ELK1: variants seen among roughly 807,000 people sequenced by gnomAD.
The protein encoded by ELK1 is ETS transcription factor ELK1, also known as ETS domain-containing protein Elk-1.
For synonymous variants in ELK1, 163 were observed against 176.3 expected (o/e 0.92, Z 0.60); for missense variants, 254 against 381.5 (o/e 0.67, Z 2.78).
At position 47,637,785 on chromosome X, in the gene ELK1, G is replaced by GCCGGCC; in HGVS notation, c.1046_1051dup (p.Gly349_Pro350dup). ...CGTAGGAAGCAGGGATGGGGTCAGC[G>GCCGGCC]CCGGCCCCGGAGCCTGGAGGCCGGA... On this transcript the variant is annotated inframe_insertion, in exon 5 of 7. Coordinates refer to ENST00000376983, the MANE Select transcript of ELK1 (RefSeq NM_001114123.3). 1 of 1,195,382 alleles carries GCCGGCC rather than the reference G, an allele frequency of 8.4e-7. No individual in the cohort carries two copies. The highest frequency in any genetic ancestry group is 1.1e-6 in the Non-Finnish European group (1 of 886,667).
At chrX:47,644,710 A>AGGTGACATGGGGAGAGGAG (rs1397398498) in intron 2 of ELK1, among the ~76,000 whole-genome samples, 1 of 110,652 alleles carries the variant, frequency 9.0e-6, no homozygotes, top group Non-Finnish European at 1.9e-5. Context: ...AGTGCCTGGC[A>AGGTGACATGGGGAGAGGAG]GGTGACATGG....
rs2058015284 is a variant in ELK1, at chrX:47,637,976, G to A, written c.861C>T (p.Pro287=). 8.3e-7 allele frequency: 1 copy of A among 1,209,182 alleles called. No homozygotes were observed. Among genetic ancestry groups the A allele is most frequent in the South Asian group, 1.8e-5 (1 of 56,804 alleles). Residue 287 remains proline, a synonymous_variant, in exon 5 of 7, where the codon CCC becomes CCT. Transcript: ENST00000376983. ...GCCCTGCGGTGTCCATAACAACCGC[G>A]GGCAGCCGGGCTGGCACGCCCTCCT... ...PPQEGVPARL[P]AVVMDTAGQA...
chrX:47,639,183 GGCGGCATGTATA>G lies in ELK1; in HGVS notation c.354_365del (p.Ile119_Ala122del). 1 of 1,209,538 alleles carries G rather than the reference GGCGGCATGTATA, an allele frequency of 8.3e-7. No homozygotes were observed. The highest frequency in any genetic ancestry group is 1.1e-6 in the Non-Finnish European group (1 of 894,310). On this transcript the variant is annotated inframe_deletion, in exon 4 of 7. Coordinates refer to ENST00000376983, the MANE Select transcript of ELK1 (RefSeq NM_001114123.3). ...GCTTTCCAGAGACAGTGTCCCCTGG[GGCGGCATGTATA>G]GCAGCAGGGGCCACATTTGGCATGG...
At chrX:47,644,380 G>A (rs1187748853) in intron 2 of ELK1, among the ~76,000 whole-genome samples, 1 of 111,578 alleles carries the variant, frequency 9.0e-6, no homozygotes, top group Admixed American at 9.6e-5. Context: ...TGCATACTGT[G>A]GGCCAGGTGC....
Position 47,636,935 on chromosome X carries a change from C to A in ELK1, c.1189-8G>T. ...GCTGCCACTGGATGGAAACTGGGGGCAAAAAGAGGGAGAGGTCACAGATGG... is the reference window on the plus strand; with the variant it reads ...GCTGCCACTGGATGGAAACTGGGGGAAAAAAGAGGGAGAGGTCACAGATGG... On this transcript the variant is annotated splice_region_variant and splice_polypyrimidine_tract_variant and intron_variant, in intron 6 of 6. Transcript: ENST00000376983. 1 of 1,182,691 alleles carries A rather than the reference C, an allele frequency of 8.5e-7. No individual in the cohort carries two copies. Among genetic ancestry groups the A allele is most frequent in the Non-Finnish European group, 1.1e-6 (1 of 880,571 alleles).
chrX:47,641,557 A>ATCT, intron 2 of ELK1, 82 bp from the exon 3 acceptor site: 1 of 720,665 alleles, frequency 1.4e-6, no homozygotes, highest in Non-Finnish European at 2.1e-6. Flanking sequence ...TTTTTTTGTC[A>ATCT]TCTTTTCTCC....
Position 47,650,468 on chromosome X carries a change from G to A in ELK1, c.-186C>T. On this transcript the variant is annotated 5_prime_UTR_variant, in exon 1 of 7. Coordinates refer to ENST00000376983, the MANE Select transcript of ELK1 (RefSeq NM_001114123.3). ...GCGTTGGCAATGTTGGCAGCTCCGG[G>A]GGGCGGGGGCTCCATACGCGGCCCC... 1 of 355,701 alleles carries A rather than the reference G, an allele frequency of 2.8e-6. No homozygotes were observed. The highest frequency in any genetic ancestry group is 2.6e-5 in the African/African-American group (1 of 38,279). 29.3% of individuals were successfully genotyped at this position (355,701 alleles called of 1,213,427 possible).
chrX:47,650,542 C>CGGTGGCGGTGGTGGTGGT lies in ELK1; in HGVS notation c.-261_-260insACCACCACCACCGCCACC, dbSNP rs769340100. 1.6e-5 allele frequency: 5 copies of CGGTGGCGGTGGTGGTGGT among 318,787 alleles called. No individual in the cohort carries two copies. The Admixed American group carries it at 1.8e-4, about 11-fold the overall frequency. The allele number at this position is 318,787 out of a possible 1,213,427, so 26.3% of individuals were successfully genotyped here. A position where few individuals can be genotyped will look rare whatever the true frequency, so the allele number is the denominator to read the frequency against. ...GAGGCGGCGGTGGAGGTGGTGGTGG[C>CGGTGGCGGTGGTGGTGGT]GGTGGCGGCGGCAGCACCTAGAAGC... On this transcript the variant is annotated 5_prime_UTR_variant, in exon 1 of 7. Coordinates refer to ENST00000376983, the MANE Select transcript of ELK1 (RefSeq NM_001114123.3).
chrX:47,643,049 C>T (rs2058033416), intron 2 of ELK1, among the ~76,000 whole-genome samples: 1 of 112,378 alleles, frequency 8.9e-6, no homozygotes, highest in Non-Finnish European at 1.9e-5. Context: ...GTGTTTGAAT[C>T]CTGGTTCTGC....
At chrX:47,637,647 G>C in intron 5 of ELK1, 104 bp downstream of exon 5, 2 of 997,796 alleles carry the variant, frequency 2.0e-6, no homozygotes, top group Non-Finnish European at 2.7e-6. Flanking sequence ...ACCCTCTTCA[G>C]GAACAACCAC....
chrX:47,645,186 T>C (rs1346049253), intron 2 of ELK1, among the ~76,000 whole-genome samples: 2 of 110,951 alleles, frequency 1.8e-5, no homozygotes, highest in Non-Finnish European at 3.8e-5. Context: ...GTTTTGGAGA[T>C]GGTCAGTTTC....
chrX:47,645,208 A>C (rs1029512845), intron 2 of ELK1, among the ~76,000 whole-genome samples: 6 of 111,465 alleles, frequency 5.4e-5, no homozygotes, highest in African/African-American at 2.0e-4. Flanking sequence ...GAGGCCTGTC[A>C]GACATCTACG....
chrX:47,647,517 G>A (rs190147880), intron 2 of ELK1, among the ~76,000 whole-genome samples: 4 of 111,362 alleles, frequency 3.6e-5, no homozygotes, highest in Non-Finnish European at 5.7e-5. Context: ...GCCCTGTTTC[G>A]TTCCTTGCCA....
rs771050532 is a variant in ELK1, at chrX:47,639,318, G to A, written c.231C>T (p.Ser77=). ...CAAACTTGTAGACGAACTTCTGGCC[G>A]CTCACCTTGCGGATGATGTTCTAGG... ...YYDKNIIRKV[S]GQKFVYKFVS... The change falls in exon 4 of 7, where the codon AGC becomes AGT. Residue 77 remains serine, a synonymous_variant. Coordinates refer to ENST00000376983, the MANE Select transcript of ELK1 (RefSeq NM_001114123.3). 1.9e-5 allele frequency: 23 copies of A among 1,203,135 alleles called. No individual in the cohort carries two copies. The highest frequency in any genetic ancestry group is 3.0e-5 in the East Asian group (1 of 33,538).
intron 2 of ELK1, 24 bp downstream of exon 2, chrX:47,649,897 G>A (rs1472574717): frequency 9.6e-6 from 1 of 104,436 alleles, no homozygotes; most frequent in Non-Finnish European, 2.0e-5. Context: ...GAGGAGGCAG[G>A]AATACAAACT....
intron 3 of ELK1, 82 bp from the exon 4 acceptor site, chrX:47,639,420 G>T: frequency 1.2e-6 from 1 of 837,404 alleles, no homozygotes; most frequent in Non-Finnish European, 1.7e-6. Context: ...GGAGGGGGGT[G>T]GAGTGGCATT....
intron 2 of ELK1, among the ~76,000 whole-genome samples, chrX:47,644,488 C>A (rs2058037502): frequency 9.0e-6 from 1 of 110,724 alleles, no homozygotes; most frequent in South Asian, 3.8e-4. Context: ...CAAACATGTA[C>A]AAGAGTGCGT....
At chrX:47,642,781 TAG>T (rs2147943572) in intron 2 of ELK1, among the ~76,000 whole-genome samples, 1 of 110,977 alleles carries the variant, frequency 9.0e-6, no homozygotes, top group African/African-American at 3.3e-5. Context: ...GTATTTTTAG[TAG>T]AGACATGGTT....
At position 47,650,533 on chromosome X, in the gene ELK1, T is replaced by A. The variant is rs769367920; in HGVS notation, c.-251A>T. The A allele has an allele frequency of 6.3e-6, 2 of 317,909 alleles. No homozygotes were observed. The highest frequency in any genetic ancestry group is 5.9e-5 in the African/African-American group (2 of 33,873). The allele number at this position is 317,909 out of a possible 1,213,427, so 26.2% of individuals were successfully genotyped here. ...CTGGGTTCCGAGGCGGCGGTGGAGG[T>A]GGTGGTGGCGGTGGCGGCGGCAGCA... On this transcript the variant is annotated 5_prime_UTR_variant, in exon 1 of 7. Transcript: ENST00000376983.
Sources: allele counts gnomAD v4.1 joint callset (sites outside exome capture counted in the v4.1 genomes callset), GRCh38; gene constraint gnomAD v4.1.1; transcripts MANE v1.5; gene names NCBI Gene and HGNC (gene_info 2026-07-23, HGNC 2026-07-21).